The following B3GALT1 variants were observed in gnomAD, a reference collection of about 807,000 sequenced individuals.
B3GALT1 encodes UDP-Gal:betaGlcNAc beta 1,3-galactosyltransferase, polypeptide 1.
A neutral mutation model predicts 23.2 loss-of-function variants in B3GALT1; 10 were observed. The observed-to-expected ratio is 0.43, with a 90% CI of 0.27 to 0.73. The LOEUF (loss-of-function observed/expected upper bound fraction) is 0.73, where lower values mean the gene tolerates loss of function less well. Ranked by LOEUF, B3GALT1 falls within the 30% of genes least tolerant of loss-of-function variation. B3GALT1 has a pLI of 0.21. For missense variants in B3GALT1, 299 were observed against 405.4 expected (o/e 0.74, Z 2.25); for synonymous variants, 156 against 141.5 (o/e 1.10, Z -0.73).
chr2:167,574,107 A>G (rs1684343307), intron 2 of B3GALT1, among the ~76,000 whole-genome samples: 1 of 151,706 alleles, frequency 6.6e-6, no homozygotes, highest in African/African-American at 2.4e-5. Flanking sequence ...ATCAATCCTC[A>G]GGATATAAGA....
chr2:167,517,293 T>G (rs1458066466), intron 2 of B3GALT1, among the ~76,000 whole-genome samples: 1 of 151,964 alleles, frequency 6.6e-6, no homozygotes, highest in African/African-American at 2.4e-5. Context: ...GCTAAAAGAT[T>G]AGTAGCAGCA....
At chr2:167,297,535 A>C (rs928833050) in intron 1 of B3GALT1, among the ~76,000 whole-genome samples, 5 of 152,174 alleles carry the variant, frequency 3.3e-5, no homozygotes, top group Admixed American at 3.3e-4. Flanking sequence ...AATTAAAAAT[A>C]GATTTGCGTA....
chr2:167,412,913 C>T (rs1574069245), intron 1 of B3GALT1, among the ~76,000 whole-genome samples: 1 of 152,002 alleles, frequency 6.6e-6, no homozygotes, highest in Non-Finnish European at 1.5e-5. Context: ...TGAAATAAGA[C>T]ACAAACTTAA....
At chr2:167,798,231 G>A (rs545678199) in intron 3 of B3GALT1, among the ~76,000 whole-genome samples, 5 of 152,270 alleles carry the variant, frequency 3.3e-5, no homozygotes, top group African/African-American at 1.2e-4. Context: ...CCATTCTGTA[G>A]GTTGTCTGTT....
intron 3 of B3GALT1, among the ~76,000 whole-genome samples, chr2:167,810,652 T>C (rs1465832975): frequency 6.6e-6 from 1 of 150,918 alleles, no homozygotes; most frequent in Non-Finnish European, 1.5e-5. Context: ...GTTTACTACC[T>C]AAGTTTAACA....
intron 4 of B3GALT1, among the ~76,000 whole-genome samples, chr2:167,841,476 C>CA (rs1296998666): frequency 6.6e-6 from 1 of 152,210 alleles, no homozygotes; most frequent in Non-Finnish European, 1.5e-5. Context: ...TCCTATTTCA[C>CA]AAATTCTCCA....
chr2:167,512,371 A>G (rs917025718), intron 2 of B3GALT1, among the ~76,000 whole-genome samples: 1 of 151,042 alleles, frequency 6.6e-6, no homozygotes, highest in African/African-American at 2.4e-5. Flanking sequence ...TCATTATTCT[A>G]TAAATATAAT....
chr2:167,833,017 G>A (rs1396998046), intron 4 of B3GALT1, among the ~76,000 whole-genome samples: 1 of 152,220 alleles, frequency 6.6e-6, no homozygotes, highest in African/African-American at 2.4e-5. Context: ...AAAGGTTTCT[G>A]CTCTGCAGAC....
At chr2:167,430,466 G>A (rs1405073158) in intron 1 of B3GALT1, among the ~76,000 whole-genome samples, 2 of 152,164 alleles carry the variant, frequency 1.3e-5, no homozygotes, top group Admixed American at 1.3e-4. Context: ...CTGTGTGTTA[G>A]GGATGCAGAA....
At chr2:167,526,636 T>A (rs919135651) in intron 2 of B3GALT1, among the ~76,000 whole-genome samples, 2 of 152,234 alleles carry the variant, frequency 1.3e-5, no homozygotes, top group African/African-American at 4.8e-5. Flanking sequence ...ACCTGTCTCA[T>A]AGGCACGAGT....
At chr2:167,547,693 CAAAAA>C (rs71031296) in intron 2 of B3GALT1, among the ~76,000 whole-genome samples, 12,772 of 75,516 alleles carry the variant, frequency 0.17, 1,551 homozygotes, top group African/African-American at 0.39. Context: ...GACTCTGTCT[CAAAAA>C]AAAAAAAAAA....
chr2:167,545,263 C>T (rs189492100), intron 2 of B3GALT1, among the ~76,000 whole-genome samples: 1 of 151,942 alleles, frequency 6.6e-6, no homozygotes, highest in African/African-American at 2.4e-5. Flanking sequence ...TCTTGATCTT[C>T]TGACCTTGTG....
At chr2:167,799,338 C>T (rs10196281) in intron 3 of B3GALT1, among the ~76,000 whole-genome samples, 31,160 of 151,952 alleles carry the variant, frequency 0.21, 3,725 homozygotes, top group African/African-American at 0.31. Context: ...TCCTTAGCCC[C>T]CTCCACCCTC....
intron 1 of B3GALT1, among the ~76,000 whole-genome samples, chr2:167,385,485 T>G (rs1343316647): frequency 6.6e-6 from 1 of 151,434 alleles, no homozygotes; most frequent in Non-Finnish European, 1.5e-5. Flanking sequence ...ACTTGGTACA[T>G]GCTCAGTAAA....
intron 3 of B3GALT1, among the ~76,000 whole-genome samples, chr2:167,808,605 G>A (rs4667983): frequency 0.44 from 66,166 of 148,836 alleles, 17,382 homozygotes; most frequent in African/African-American, 0.7. Context: ...AATATTGAAT[G>A]TTGGCCCCCA....
At chr2:167,403,681 C>G (rs911722902) in intron 1 of B3GALT1, among the ~76,000 whole-genome samples, 1 of 151,990 alleles carries the variant, frequency 6.6e-6, no homozygotes, top group Non-Finnish European at 1.5e-5. Flanking sequence ...TATGGCTAGA[C>G]TGGAGTACTG....
intron 2 of B3GALT1, among the ~76,000 whole-genome samples, chr2:167,492,877 A>ATGTG (rs61117741): frequency 0.41 from 60,731 of 149,042 alleles, 13,185 homozygotes; most frequent in East Asian, 0.77. Context: ...GTATTTAGAG[A>ATGTG]TGTGTGTGTG....
intron 4 of B3GALT1, among the ~76,000 whole-genome samples, chr2:167,834,692 T>A (rs1259407072): frequency 6.6e-6 from 1 of 151,990 alleles, no homozygotes; most frequent in Non-Finnish European, 1.5e-5. Flanking sequence ...CCACTAAAAA[T>A]ACAAAAGTTG....
intron 4 of B3GALT1, among the ~76,000 whole-genome samples, chr2:167,841,937 A>G (rs891477095): frequency 3.9e-5 from 6 of 152,226 alleles, no homozygotes; most frequent in African/African-American, 1.4e-4. Flanking sequence ...GCTTGTTTTT[A>G]CTTCAACACT....
Sources: allele counts gnomAD v4.1 joint callset (sites outside exome capture counted in the v4.1 genomes callset), GRCh38; gene constraint gnomAD v4.1.1; transcripts MANE v1.5; gene names NCBI Gene and HGNC (gene_info 2026-07-23, HGNC 2026-07-21).